TRPM2: variants seen among roughly 807,000 people sequenced by gnomAD.
TRPM2 encodes the protein transient receptor potential cation channel subfamily M member 2.
TRPM2 carries 161 observed loss-of-function variants against 174.0 expected under a neutral mutation model. That is an observed-to-expected ratio of 0.93 (90% CI 0.81 to 1.05). TRPM2 has a LOEUF of 1.05. TRPM2 is among the 50% of genes least tolerant of loss of function. TRPM2 has a pLI of 0.00. For missense variants in TRPM2, 2,057 were observed against 2,038.0 expected (o/e 1.01, Z -0.18); for synonymous variants, 954 against 861.3 (o/e 1.11, Z -1.88).
chr21:44,350,477 G>A (rs1260747472), upstream of TRPM2: 1 of 151,586 alleles, frequency 6.6e-6, no homozygotes, highest in Non-Finnish European at 1.4e-5. Context: ...GGGGCGCGGT[G>A]GGGTGCAGGG....
Position 44,418,005 on chromosome 21 carries a change from C to A in TRPM2, c.3225C>A (p.His1075Gln), listed in dbSNP as rs374801617. Residue 1075 changes from histidine to glutamine, a missense_variant, in exon 21 of 32, where the codon CAC becomes CAA. Physicochemically the swap from His to Gln is conservative, Grantham distance 24. Transcript: ENST00000397928. ...GCCATGACCTGATCGAGGAGTACCA[C>A]GGCCGCCCCGCCGCGCCGCCCCCCT... ...FQRHDLIEEY[H>Q]GRPAAPPPFI... 1 of 1,612,808 alleles carries A rather than the reference C, an allele frequency of 6.2e-7. No individual in the cohort carries two copies. Among genetic ancestry groups the A allele is most frequent in the Non-Finnish European group, 8.5e-7 (1 of 1,180,018 alleles).
rs372608794 is a variant in TRPM2, at chr21:44,433,990, G to T, written c.3975-1141G>T. ...GCCCCGCCAGGCAGGGTCAGGGACG[G>T]TAGCGCAGGCCTGGCTGGTGGCCGC... On this transcript the variant is annotated intron_variant, in intron 27 of 31. Coordinates refer to ENST00000397928, the MANE Select transcript of TRPM2 (RefSeq NM_003307.4). Among the ~76,000 whole-genome samples, 112 of 152,296 alleles carry T rather than the reference G, an allele frequency of 7.4e-4. 1 individual carries two copies. The East Asian group carries it at 0.021, about 28-fold the overall frequency.
chr21:44,395,499 T>A lies in TRPM2; in HGVS notation c.1880T>A (p.Ile627Asn), dbSNP rs757482356. The A allele has an allele frequency of 6.2e-7, 1 of 1,613,074 alleles. No individual in the cohort carries two copies. The part of the protein sequence containing the change: ...FTMDPIRDLL[I>N]WAIVQNRREL... Reference sequence around the variant, plus strand: ...ATGGACCCCATCCGTGACCTTCTCATTTGGGCCATTGTCCAGAACCGTCGG... The same window carrying A: ...ATGGACCCCATCCGTGACCTTCTCAATTGGGCCATTGTCCAGAACCGTCGG... The change falls in exon 12 of 32, where the codon ATT (isoleucine) becomes AAT (asparagine). Residue 627 changes from isoleucine to asparagine, a missense_variant. By Grantham distance (149) the Ile-to-Asn change is moderately radical (BLOSUM62 -3). Coordinates refer to ENST00000397928, the MANE Select transcript of TRPM2 (RefSeq NM_003307.4).
intron 5 of TRPM2, among the ~76,000 whole-genome samples, chr21:44,369,874 C>T (rs1432363510): frequency 2.0e-5 from 1 of 48,952 alleles, no homozygotes; most frequent in African/African-American, 9.4e-5. Flanking sequence ...GACGTCTGAC[C>T]GGGTGCTGCG....
chr21:44,359,023 G>A (rs529457918), intron 2 of TRPM2, among the ~76,000 whole-genome samples: 15 of 152,118 alleles, frequency 9.9e-5, no homozygotes, highest in South Asian at 2.1e-4. Flanking sequence ...GTCCCCGCCC[G>A]TGTCCTGCTG....
At chr21:44,373,417 C>T (rs2048598969) in intron 5 of TRPM2, among the ~76,000 whole-genome samples, 1 of 152,174 alleles carries the variant, frequency 6.6e-6, no homozygotes, top group Non-Finnish European at 1.5e-5. Context: ...GAACTCCTGA[C>T]CTCAAGTGAT....
In TRPM2 at chr21:44,391,737, G is replaced by A; in HGVS notation, c.1794+112G>A. On this transcript the variant is annotated intron_variant, in intron 11 of 31. Transcript: ENST00000397928. This position sits in a 1 kb window ranked among gnomAD's most constrained non-coding sequence, Gnocchi z 5.0. ...TTTATTTTTATTAGAAAAGACACAT[G>A]CTCTATCTTAGGCTGCTTGGGCTGC... 1 of 1,060,004 alleles carries A rather than the reference G, an allele frequency of 9.4e-7. No individual in the cohort carries two copies. The highest frequency in any genetic ancestry group is 3.2e-4 in the Middle Eastern group (1 of 3,158). The allele number at this position is 1,060,004 out of a possible 1,614,324, so 65.7% of individuals were successfully genotyped here. A position where few individuals can be genotyped will look rare whatever the true frequency, so the allele number is the denominator to read the frequency against.
At chr21:44,393,073 A>G (rs1023493740) in intron 11 of TRPM2, among the ~76,000 whole-genome samples, 3 of 151,896 alleles carry the variant, frequency 2.0e-5, no homozygotes, top group Non-Finnish European at 4.4e-5. Context: ...CCCTTATTCA[A>G]TAGGAACCCT....
chr21:44,441,650 C>T, intron 31 of TRPM2, 42 bp from the exon 32 acceptor site: 1 of 1,576,952 alleles, frequency 6.3e-7, no homozygotes, highest in South Asian at 1.2e-5. Flanking sequence ...TGGGCAGAGG[C>T]AGGGCTGGCG....
intron 28 of TRPM2, among the ~76,000 whole-genome samples, chr21:44,436,525 T>C (rs7283613): frequency 0.84 from 105,687 of 125,200 alleles, 44,567 homozygotes; most frequent in East Asian, 0.95. Flanking sequence ...GGCTGCACTC[T>C]GCACCCCATG....
In TRPM2 at chr21:44,406,006, TG is replaced by T; in HGVS notation, c.2763del (p.Lys923ArgfsTer5). 2 of 1,608,266 alleles carry T rather than the reference TG, an allele frequency of 1.2e-6. No homozygotes were observed. On this transcript the variant is annotated frameshift_variant, in exon 18 of 32. Coordinates refer to ENST00000397928, the MANE Select transcript of TRPM2 (RefSeq NM_003307.4). LOFTEE classifies it high-confidence loss of function. ...LMHIFTISKT[L>X]GPKIIIVKRM... ...CACATTTTTACCATCAGTAAGACGCTGGGGCCCAAGATCATCATTGTGAAGC... is the reference window on the plus strand; with the variant it reads ...CACATTTTTACCATCAGTAAGACGCTGGGCCCAAGATCATCATTGTGAAGC...
chr21:44,373,507 C>T (rs1412614869), intron 5 of TRPM2, among the ~76,000 whole-genome samples: 1 of 152,178 alleles, frequency 6.6e-6, no homozygotes, highest in Non-Finnish European at 1.5e-5. Flanking sequence ...TCTTTAGAGT[C>T]TGCTTTTCGA....
At chr21:44,388,890 G>A (rs568846800) in intron 9 of TRPM2, among the ~76,000 whole-genome samples, 3 of 152,150 alleles carry the variant, frequency 2.0e-5, no homozygotes, top group East Asian at 1.9e-4. Flanking sequence ...TATGCTACAC[G>A]TATTTTACCA....
Position 44,354,628 on chromosome 21 carries a change from T to C in TRPM2, c.166-20T>C, listed in dbSNP as rs1249117523. 2.1e-5 allele frequency: 33 copies of C among 1,605,586 alleles called. No individual in the cohort carries two copies. Among genetic ancestry groups the C allele is most frequent in the Non-Finnish European group, 2.8e-5 (33 of 1,172,234 alleles). ...TCTTTCGAATGTTGGAAGATCTCAG[T>C]GTGCTGTCTTTACCTTCAGCAAGAA... On this transcript the variant is annotated intron_variant, in intron 1 of 31. Coordinates refer to ENST00000397928, the MANE Select transcript of TRPM2 (RefSeq NM_003307.4). This position sits in a 1 kb window ranked among gnomAD's most constrained non-coding sequence, Gnocchi z 4.3.
intron 20 of TRPM2, among the ~76,000 whole-genome samples, 155 bp from the exon 21 acceptor site, chr21:44,417,772 G>A (rs892876519): frequency 2.0e-5 from 3 of 149,420 alleles, no homozygotes; most frequent in East Asian, 2.0e-4. Context: ...ATCACAGTGG[G>A]CATGTGGGTG....
At chr21:44,359,194 G>A (rs1275142743) in intron 2 of TRPM2, among the ~76,000 whole-genome samples, 1 of 151,360 alleles carries the variant, frequency 6.6e-6, no homozygotes, top group East Asian at 1.9e-4. Context: ...CCATTTTACA[G>A]TGTGCGGATT....
At chr21:44,380,014 AC>A (rs2048832274) in intron 8 of TRPM2, among the ~76,000 whole-genome samples, 1 of 151,826 alleles carries the variant, frequency 6.6e-6, no homozygotes, top group South Asian at 2.1e-4. Flanking sequence ...GGCAGTGGTG[AC>A]CCCCAGCTGC....
intron 2 of TRPM2, among the ~76,000 whole-genome samples, chr21:44,359,614 C>T (rs1040636061): frequency 2.7e-5 from 4 of 150,410 alleles, no homozygotes; most frequent in African/African-American, 7.4e-5. Flanking sequence ...TTTTTAATTC[C>T]CTTATTTGTC....
At position 44,369,320 on chromosome 21, in the gene TRPM2, C is replaced by A. The variant is rs149453491; in HGVS notation, c.748C>A (p.Arg250Ser). 2.7e-5 allele frequency: 44 copies of A among 1,612,850 alleles called. No individual in the cohort carries two copies. The highest frequency in any genetic ancestry group is 3.7e-5 in the Non-Finnish European group (44 of 1,179,482). The change falls in exon 5 of 32, where the codon CGC becomes AGC. Residue 250 changes from arginine (R) to serine (S), a missense_variant. By Grantham distance (110) the Arg-to-Ser change is moderately radical. Transcript: ENST00000397928. The stretch of plus-strand genomic sequence containing the variant: ...CGCCACCTGGGGCACTGTCCACCGC[C>A]GCGAGGGCCTGATCCATCCCACGGT... Reference protein sequence around the residue: ...GVATWGTVHRREGLIHPTGSF... With the variant: ...GVATWGTVHRSEGLIHPTGSF...
Sources: gnomAD v4.1 joint callset for allele counts (sites outside exome capture counted in the v4.1 genomes callset) on GRCh38, gnomAD v4.1.1 for gene constraint, Gnocchi (gnomAD v3.1) non-coding constraint, MANE v1.5 for transcripts, NCBI Gene and HGNC (gene_info 2026-07-23, HGNC 2026-07-21) for gene names.